GAB1: variants seen among roughly 807,000 people sequenced by gnomAD.
The protein encoded by GAB1 is GRB2 associated binding protein 1, also known as GRB2-associated-binding protein 1.
A neutral mutation model predicts 66.5 loss-of-function variants in GAB1; 19 were observed. The observed-to-expected ratio is 0.29, with a 90% confidence interval of 0.20 to 0.42. The LOEUF (loss-of-function observed/expected upper bound fraction) is 0.42. Among genes scored for constraint, GAB1 ranks in the 10% least tolerant of loss-of-function variants. The pLI, the probability that GAB1 is intolerant of heterozygous loss-of-function variation, is 1.00. For synonymous variants in GAB1, 294 were observed against 301.4 expected (o/e 0.98, Z 0.25); for missense variants, 732 against 858.5 (o/e 0.85, Z 1.84).
intron 6 of GAB1, among the ~76,000 whole-genome samples, chr4:143,448,991 C>A (rs1490661269): frequency 6.6e-6 from 1 of 152,120 alleles, no homozygotes; most frequent in Non-Finnish European, 1.5e-5. Context: ...TATGCTGTGT[C>A]TTTGTTCTCA....
chr4:143,457,260 T>C (rs1231743888), intron 6 of GAB1, among the ~76,000 whole-genome samples: 1 of 152,180 alleles, frequency 6.6e-6, no homozygotes, highest in Non-Finnish European at 1.5e-5. Context: ...ACACCAGATT[T>C]CAAAGAAAAG....
In GAB1 at chr4:143,425,222, TCTG is replaced by T. The variant is rs1733271623; in HGVS notation, c.368-8265_368-8263del. 7.7e-6 allele frequency: 7 copies of T among 912,074 alleles called. No individual in the cohort carries two copies. In the East Asian group the frequency reaches 1.7e-4, roughly 22 times the overall value. 56.5% of individuals were successfully genotyped at this position (912,074 alleles called of 1,614,324 possible). On this transcript the variant is annotated intron_variant, in intron 2 of 9. Coordinates refer to ENST00000262994, the MANE Select transcript of GAB1 (RefSeq NM_002039.4). ...ATCTGAAGAGGACCTGGGAGAAGCT[TCTG>T]CTGGCAGCTCATGCCATTGTTGCCG...
intron 1 of GAB1, among the ~76,000 whole-genome samples, chr4:143,353,838 A>T (rs1729329830): frequency 6.6e-6 from 1 of 152,162 alleles, no homozygotes; most frequent in Admixed American, 6.5e-5. Flanking sequence ...AGAACTTTTC[A>T]CCACTATAGT....
chr4:143,421,698 CTTTTT>C, intron 2 of GAB1, among the ~76,000 whole-genome samples: 1 of 118,694 alleles, frequency 8.4e-6, no homozygotes, highest in South Asian at 3.0e-4. Context: ...CTTTTCTTTT[CTTTTT>C]TTTTTTTTTT....
At chr4:143,380,541 AT>A (rs1271589922) in intron 1 of GAB1, 1 of 152,206 alleles carries the variant, frequency 6.6e-6, no homozygotes, top group Non-Finnish European at 1.5e-5. Context: ...AAATTAGAGG[AT>A]TGTTTATTAT....
intron 6 of GAB1, among the ~76,000 whole-genome samples, chr4:143,453,188 A>G (rs995303560): frequency 2.6e-5 from 4 of 152,216 alleles, no homozygotes; most frequent in Non-Finnish European, 5.9e-5. Flanking sequence ...ACATAGTACA[A>G]TTTAGTGCAA....
chr4:143,457,893 T>G (rs1370340898), intron 6 of GAB1: 2 of 597,058 alleles, frequency 3.3e-6, no homozygotes, highest in Non-Finnish European at 2.9e-6. Context: ...AAAACTTTCC[T>G]GCACATTATT....
intron 1 of GAB1, among the ~76,000 whole-genome samples, chr4:143,357,009 G>A (rs1729471204): frequency 6.6e-6 from 1 of 152,022 alleles, no homozygotes; most frequent in Admixed American, 6.6e-5. Context: ...GGTACCTTAG[G>A]ACATGTCTCT....
chr4:143,361,915 G>GTTT lies in GAB1; in HGVS notation c.72+24662_72+24664dup, dbSNP rs71588247. On this transcript the variant is annotated intron_variant, in intron 1 of 9. Coordinates refer to ENST00000262994, the MANE Select transcript of GAB1 (RefSeq NM_002039.4). ...TTCAGCTTTTGAAGTGTTGTGTGTG[G>GTTT]TTTTTTTTTGTTTTTTGTTTTTTTT... is the stretch of plus-strand genomic sequence containing the variant. 9.8e-3 allele frequency among the ~76,000 whole-genome samples: 1,468 copies of GTTT among 150,244 alleles called. 11 individuals carry two copies. Among genetic ancestry groups the GTTT allele is most frequent in the Non-Finnish European group, 0.015 (1,027 of 67,590 alleles).
chr4:143,459,422 A>G lies in GAB1; in HGVS notation c.1623A>G (p.Glu541=). ...CTTTAGAAATAAAACCTTTGCCAGAATGGGAAGAATTACAAGCCCCAGTTA... is the reference window on the plus strand; with the variant it reads ...CTTTAGAAATAAAACCTTTGCCAGAGTGGGAAGAATTACAAGCCCCAGTTA... ...PAPLEIKPLP[E]WEELQAPVRS... is the part of the protein sequence containing the mutation. The change falls in exon 7 of 10, where the codon GAA becomes GAG. Residue 541 remains glutamate, a synonymous_variant. Coordinates refer to ENST00000262994, the MANE Select transcript of GAB1 (RefSeq NM_002039.4). 6.2e-7 allele frequency: 1 copy of G among 1,611,270 alleles called. No homozygotes were observed. The highest frequency in any genetic ancestry group is 8.5e-7 in the Non-Finnish European group (1 of 1,177,508).
chr4:143,414,359 A>G (rs1347305136), intron 1 of GAB1, among the ~76,000 whole-genome samples: 3 of 152,192 alleles, frequency 2.0e-5, no homozygotes, highest in Admixed American at 1.3e-4. Flanking sequence ...TTTGGTGACC[A>G]TAGATTTAGG....
chr4:143,349,767 G>C (rs545003888), intron 1 of GAB1: 6 of 1,589,826 alleles, frequency 3.8e-6, no homozygotes, highest in Non-Finnish European at 5.1e-6. Flanking sequence ...TGTAGTCCCC[G>C]ATAGCAACGA....
At chr4:143,373,884 T>C (rs1396471511) in intron 1 of GAB1, among the ~76,000 whole-genome samples, 1 of 129,116 alleles carries the variant, frequency 7.7e-6, no homozygotes, top group African/African-American at 3.3e-5. Context: ...TATATATATA[T>C]ATTTTTACCT....
At chr4:143,364,775 G>T (rs940719363) in intron 1 of GAB1, among the ~76,000 whole-genome samples, 2 of 151,202 alleles carry the variant, frequency 1.3e-5, no homozygotes, top group African/African-American at 4.9e-5. Context: ...CCACATCAAT[G>T]CCAGTCAACT....
chr4:143,373,763 A>T (rs1258129340), intron 1 of GAB1, among the ~76,000 whole-genome samples: 4 of 150,426 alleles, frequency 2.7e-5, no homozygotes, highest in Non-Finnish European at 5.9e-5. Context: ...AGGAAGGCAG[A>T]GGTTGCAGTG....
intron 1 of GAB1, among the ~76,000 whole-genome samples, chr4:143,405,104 G>A (rs954111016): frequency 7.2e-5 from 11 of 152,046 alleles, no homozygotes; most frequent in Non-Finnish European, 8.8e-5. Context: ...ACATCAAATG[G>A]ACATTGACAT....
Position 143,469,154 on chromosome 4 carries a change from A to G in GAB1, c.2050A>G (p.Thr684Ala), listed in dbSNP as rs1735960658. The part of the protein sequence containing the change: ...REAWTDGRQS[T>A]ESETPAKSVK ...AGCCTGGACAGATGGGAGACAGTCC[A>G]CAGAATCAGAAACGCCAGCGAAGAG... is the stretch of plus-strand genomic sequence containing the variant. Residue 684 changes from threonine (T) to alanine (A), a missense_variant, in exon 10 of 10, where the codon ACA (threonine) becomes GCA (alanine). Around this residue, in one of 4 missense-constraint regions of GAB1, gnomAD observed 204 missense variants for 276.8 expected, o/e 0.74. Coordinates refer to ENST00000262994, the MANE Select transcript of GAB1 (RefSeq NM_002039.4). The G allele has an allele frequency of 1.2e-6, 2 of 1,614,180 alleles. No individual in the cohort carries two copies. Among genetic ancestry groups the G allele is most frequent in the Non-Finnish European group, 1.7e-6 (2 of 1,180,004 alleles).
chr4:143,431,468 T>C (rs1317947785), intron 2 of GAB1, among the ~76,000 whole-genome samples: 1 of 152,212 alleles, frequency 6.6e-6, no homozygotes, highest in Non-Finnish European at 1.5e-5. Flanking sequence ...ATATCCACTT[T>C]TAATTAAGCT....
intron 1 of GAB1, chr4:143,350,035 C>T: frequency 6.4e-7 from 1 of 1,553,318 alleles, no homozygotes; most frequent in Non-Finnish European, 8.7e-7. Flanking sequence ...ACTGCCGAAA[C>T]CTCCGCGGAA....
Sources: gnomAD v4.1 joint callset for allele counts (sites outside exome capture counted in the v4.1 genomes callset) on GRCh38, gnomAD v4.1.1 for gene constraint, gnomAD v4.1.1 regional missense constraint, MANE v1.5 for transcripts, NCBI Gene and HGNC (gene_info 2026-07-23, HGNC 2026-07-21) for gene names.